Variants in OR52A5 observed in about 807,000 individuals in gnomAD.
OR52A5 encodes the protein olfactory receptor family 52 subfamily A member 5.
A neutral mutation model predicts 18.2 loss-of-function variants in OR52A5; 16 were observed. The observed-to-expected ratio is 0.88, with a 90% CI of 0.60 to 1.34. The LOEUF (loss-of-function observed/expected upper bound fraction) is 1.34. Ranked by LOEUF, OR52A5 falls within the 40% of genes most tolerant of loss-of-function variation. The pLI, the probability that OR52A5 is intolerant of heterozygous loss-of-function variation, is 0.00. For missense variants in OR52A5, 418 were observed against 383.0 expected (o/e 1.09, Z -0.76); for synonymous variants, 140 against 137.2 (o/e 1.02, Z -0.14).
rs1258032294 is a variant in OR52A5 at position 5,131,393 on chromosome 11, A to T, written c.*299T>A. 1.1e-5 allele frequency: 2 copies of T among 181,776 alleles called. No homozygotes were observed. The highest frequency in any genetic ancestry group is 2.3e-5 in the Non-Finnish European group (2 of 85,246). The allele number at this position is 181,776 out of a possible 1,614,324, so 11.3% of individuals were successfully genotyped here. A position where few individuals can be genotyped will look rare whatever the true frequency, so the allele number is the denominator to read the frequency against. Reference sequence around the variant, plus strand: ...TTTTTTTGCATTCTCTCCTGTGTAAATTCCTTAGTGTTTATAGTCATTGGT... The same window carrying T: ...TTTTTTTGCATTCTCTCCTGTGTAATTTCCTTAGTGTTTATAGTCATTGGT... On this transcript the variant is annotated 3_prime_UTR_variant, in exon 2 of 2. Coordinates refer to ENST00000307388, the MANE Select transcript of OR52A5 (RefSeq NM_001005160.3).
intron 1 of OR52A5, among the ~76,000 whole-genome samples, chr11:5,134,053 C>A (rs998501386): frequency 1.3e-5 from 2 of 152,096 alleles, no homozygotes; most frequent in Admixed American, 1.3e-4. Flanking sequence ...TCTCTGTTAC[C>A]AGGGGACAAG....
At position 5,129,130 on chromosome 11, in the gene OR52A5, C is replaced by T. The variant is rs890058221; in HGVS notation, c.*2562G>A. ...ATCATCAGCCACACAGCTATCCCGG[C>T]ACTCTGCTCCATTCATTTCCGTCTC... On this transcript the variant is annotated 3_prime_UTR_variant, in exon 2 of 2. Transcript: ENST00000307388. 9.2e-5 allele frequency: 14 copies of T among 152,240 alleles called. No homozygotes were observed. Among genetic ancestry groups the T allele is most frequent in the African/African-American group, 3.4e-4 (14 of 41,428 alleles). 9.4% of individuals were successfully genotyped at this position (152,240 alleles called of 1,614,324 possible). A position where few individuals can be genotyped will look rare whatever the true frequency, so the allele number is the denominator to read the frequency against.
chr11:5,129,202 G>C lies in OR52A5; in HGVS notation c.*2490C>G, dbSNP rs567464109. 6.6e-6 allele frequency: 1 copy of C among 152,172 alleles called. No homozygotes were observed. Among genetic ancestry groups the C allele is most frequent in the South Asian group, 2.1e-4 (1 of 4,814 alleles). The allele number at this position is 152,172 out of a possible 1,614,324, so 9.4% of individuals were successfully genotyped here. On this transcript the variant is annotated 3_prime_UTR_variant, in exon 2 of 2. Transcript: ENST00000307388. ...ATTTTTCTCTGCATCTTAATTCTCA[G>C]AGTATGTACACCTTGGCCTACATGT... is the stretch of plus-strand genomic sequence containing the variant.
At position 5,131,525 on chromosome 11, in the gene OR52A5, C is replaced by A; in HGVS notation, c.*167G>T. The A allele has an allele frequency of 6.3e-6, 3 of 474,944 alleles. No individual in the cohort carries two copies. Among genetic ancestry groups the A allele is most frequent in the Non-Finnish European group, 1.1e-5 (3 of 265,934 alleles). 29.4% of individuals were successfully genotyped at this position (474,944 alleles called of 1,614,324 possible). ...GTAAATAAGACACAGATAAATGATT[C>A]CAAATTTATCAAAATATAGATTCAA... On this transcript the variant is annotated 3_prime_UTR_variant, in exon 2 of 2. Coordinates refer to ENST00000307388, the MANE Select transcript of OR52A5 (RefSeq NM_001005160.3).
rs1846332888 is a variant in OR52A5, at chr11:5,131,130, C to T, written c.*562G>A. ...ATTCTAAGAATTCTCAGGCATTGTCCACTGTTTTCCTGATAAAGGGTAAAT... is the reference window on the plus strand; with the variant it reads ...ATTCTAAGAATTCTCAGGCATTGTCTACTGTTTTCCTGATAAAGGGTAAAT... On this transcript the variant is annotated 3_prime_UTR_variant, in exon 2 of 2. Coordinates refer to ENST00000307388, the MANE Select transcript of OR52A5 (RefSeq NM_001005160.3). 6.6e-6 allele frequency: 1 copy of T among 152,132 alleles called. No homozygotes were observed. Among genetic ancestry groups the T allele is most frequent in the Admixed American group, 6.5e-5 (1 of 15,272 alleles). 9.4% of individuals were successfully genotyped at this position (152,132 alleles called of 1,614,324 possible).
intron 1 of OR52A5, among the ~76,000 whole-genome samples, chr11:5,136,102 T>C (rs1052798200): frequency 6.6e-6 from 1 of 152,096 alleles, no homozygotes; most frequent in Non-Finnish European, 1.5e-5. Context: ...AAAGGTAACA[T>C]ACAAATTCAA....
At position 5,132,216 on chromosome 11, in the gene OR52A5, A is replaced by C; in HGVS notation, c.427T>G (p.Leu143Val). 2 of 1,614,172 alleles carry C rather than the reference A, an allele frequency of 1.2e-6. No individual in the cohort carries two copies. Among genetic ancestry groups the C allele is most frequent in the Non-Finnish European group, 1.7e-6 (2 of 1,180,026 alleles). Residue 143 changes from leucine to valine, a missense_variant, in exon 2 of 2, where the codon TTA becomes GTA. By Grantham distance (32) the Leu-to-Val change is conservative. Transcript: ENST00000307388. ...GTCACCCCAAGTCCAATATGAGTTAAGAACTGCTGGGAAAAGATGGTGGCA... is the reference window on the plus strand; with the variant it reads ...GTCACCCCAAGTCCAATATGAGTTACGAACTGCTGGGAAAAGATGGTGGCA... ...RHATIFSQQF[L>V]THIGLGVTLR...
chr11:5,132,033 A>G lies in OR52A5; in HGVS notation c.610T>C (p.Phe204Leu). The part of the protein sequence containing the change: ...DIRVNKIYGL[F>L]VAFAILGFDI... ...AACCCTAGGATTGCAAAGGCAACAA[A>G]TAGGCCATATATCTTGTTGACTCGG... Residue 204 changes from phenylalanine (F) to leucine (L), a missense_variant, in exon 2 of 2, where the codon TTT (phenylalanine) becomes CTT (leucine). Transcript: ENST00000307388. The G allele has an allele frequency of 6.2e-7, 1 of 1,614,236 alleles. No homozygotes were observed. The highest frequency in any genetic ancestry group is 8.5e-7 in the Non-Finnish European group (1 of 1,180,034).
chr11:5,134,164 T>C (rs117548612), intron 1 of OR52A5, among the ~76,000 whole-genome samples: 3,225 of 152,296 alleles, frequency 0.021, 45 homozygotes, highest in Non-Finnish European at 0.032. Flanking sequence ...CATCACAAAA[T>C]ATGTGAAATA....
chr11:5,137,528 T>TTC (rs890183900), intron 1 of OR52A5, among the ~76,000 whole-genome samples: 2 of 152,092 alleles, frequency 1.3e-5, no homozygotes, highest in African/African-American at 4.8e-5. Flanking sequence ...TTTTTTTTTT[T>TTC]TCGGAGATAG....
At position 5,130,775 on chromosome 11, in the gene OR52A5, A is replaced by G. The variant is rs1001392851; in HGVS notation, c.*917T>C. On this transcript the variant is annotated 3_prime_UTR_variant, in exon 2 of 2. Coordinates refer to ENST00000307388, the MANE Select transcript of OR52A5 (RefSeq NM_001005160.3). Reference sequence around the variant, plus strand: ...TTTGACCATGCATCTTTTCAAAATTAGTGATTCAGATGACTCTGTCAACTT... The same window carrying G: ...TTTGACCATGCATCTTTTCAAAATTGGTGATTCAGATGACTCTGTCAACTT... The G allele has an allele frequency of 1.9e-4, 29 of 152,134 alleles. No homozygotes were observed. Among genetic ancestry groups the G allele is most frequent in the African/African-American group, 6.3e-4 (26 of 41,462 alleles). The allele number at this position is 152,134 out of a possible 1,614,324, so 9.4% of individuals were successfully genotyped here.
rs1055116471 is a variant in OR52A5 at position 5,129,574 on chromosome 11, T to C, written c.*2118A>G. 1 of 152,236 alleles carries C rather than the reference T, an allele frequency of 6.6e-6. No homozygotes were observed. The highest frequency in any genetic ancestry group is 1.9e-4 in the East Asian group (1 of 5,184). 9.4% of individuals were successfully genotyped at this position (152,236 alleles called of 1,614,324 possible). On this transcript the variant is annotated 3_prime_UTR_variant, in exon 2 of 2. Transcript: ENST00000307388. ...GCCCTCTAGCTGCTGTAGGTGGCTG[T>C]CCTTTATCTCGGATTCTGCATCCAA...
At position 5,130,916 on chromosome 11, in the gene OR52A5, CATA is replaced by C. The variant is rs2133521694; in HGVS notation, c.*773_*775del. ...TAGCTAATATATTATTTCAGGTTTG[CATA>C]ATGATTATTTCAAGTCTTCACCTTT... On this transcript the variant is annotated 3_prime_UTR_variant, in exon 2 of 2. Coordinates refer to ENST00000307388, the MANE Select transcript of OR52A5 (RefSeq NM_001005160.3). 6.6e-6 allele frequency: 1 copy of C among 152,154 alleles called. No individual in the cohort carries two copies. The highest frequency in any genetic ancestry group is 1.5e-5 in the Non-Finnish European group (1 of 67,950). The allele number at this position is 152,154 out of a possible 1,614,324, so 9.4% of individuals were successfully genotyped here.
In OR52A5 at chr11:5,131,453, A is replaced by G; in HGVS notation, c.*239T>C. ...TAAGTTTTATGTTGTAGATATCGGT[A>G]TTACTGATTTCATATTATTTTTATA... On this transcript the variant is annotated 3_prime_UTR_variant, in exon 2 of 2. Transcript: ENST00000307388. The G allele has an allele frequency of 3.7e-6, 1 of 268,926 alleles. No homozygotes were observed. The highest frequency in any genetic ancestry group is 7.0e-6 in the Non-Finnish European group (1 of 142,006). The allele number at this position is 268,926 out of a possible 1,614,324, so 16.7% of individuals were successfully genotyped here.
chr11:5,133,750 C>A (rs1164991582), intron 1 of OR52A5, among the ~76,000 whole-genome samples: 1 of 152,244 alleles, frequency 6.6e-6, no homozygotes, highest in East Asian at 1.9e-4. Flanking sequence ...CATATACCCT[C>A]TAATTTTCAT....
chr11:5,135,112 G>C (rs1383013776), intron 1 of OR52A5, among the ~76,000 whole-genome samples: 1 of 152,042 alleles, frequency 6.6e-6, no homozygotes, highest in East Asian at 1.9e-4. Context: ...CTGACCTTGT[G>C]ATCCTCCTGC....
chr11:5,137,164 A>G (rs905436958), intron 1 of OR52A5, among the ~76,000 whole-genome samples: 2 of 152,248 alleles, frequency 1.3e-5, no homozygotes, highest in Non-Finnish European at 2.9e-5. Flanking sequence ...TGCACTGGAT[A>G]AGAAAAGGCA....
chr11:5,137,298 A>G (rs569621907), intron 1 of OR52A5, among the ~76,000 whole-genome samples: 1 of 152,336 alleles, frequency 6.6e-6, no homozygotes, highest in South Asian at 2.1e-4. Context: ...TGCATGTGTG[A>G]ATAAACCCTG....
At chr11:5,134,683 T>C (rs1012502724) in intron 1 of OR52A5, among the ~76,000 whole-genome samples, 53 of 151,838 alleles carry the variant, frequency 3.5e-4, no homozygotes, top group Non-Finnish European at 7.4e-5. Context: ...TCTTTAAACA[T>C]TTTACATTGT....
Sources: gnomAD v4.1 joint callset for allele counts (sites outside exome capture counted in the v4.1 genomes callset) on GRCh38, gnomAD v4.1.1 for gene constraint, MANE v1.5 for transcripts, NCBI Gene and HGNC (gene_info 2026-07-23, HGNC 2026-07-21) for gene names.